Variants in CSMD3 observed in about 807,000 individuals in gnomAD.
CSMD3 encodes CUB and Sushi multiple domains 3.
CSMD3 carries 177 observed loss-of-function variants against 435.2 expected under a neutral mutation model. The ratio of observed to expected loss-of-function variants is 0.41; its 90% CI spans 0.36 to 0.46. The LOEUF is 0.46. Among genes scored for constraint, CSMD3 ranks in the 20% least tolerant of loss-of-function variants. The pLI is 0.34. For missense variants in CSMD3, 4,265 were observed against 4,504.6 expected, an observed-to-expected ratio of 0.95 and a Z score of 1.52; for synonymous variants, 1,656 against 1,520.5, an observed-to-expected ratio of 1.09 and a Z score of -2.07.
In CSMD3 at chr8:112,468,363, C is replaced by T. The variant is rs1166352255; in HGVS notation, c.5395+4228G>A. 2.0e-5 allele frequency among the ~76,000 whole-genome samples: 3 copies of T among 148,810 alleles called. No individual in the cohort carries two copies. The East Asian group carries it at 6.1e-4, about 30-fold the overall frequency. On this transcript the variant is annotated intron_variant, in intron 32 of 70. Transcript: ENST00000297405. ...ATCTGCTGGAGTAAGAGAAAATAAA[C>T]AAAAACCAAACATTACCTGCTGATT...
At chr8:112,231,497 G>A (rs1419847120) in intron 69 of CSMD3, 48 bp downstream of exon 69, 2 of 1,123,688 alleles carry the variant, frequency 1.8e-6, no homozygotes, top group Non-Finnish European at 2.7e-6. Flanking sequence ...TTTTTATGAT[G>A]TCTGGGATAA....
chr8:112,553,511 A>G (rs562096591), intron 25 of CSMD3, among the ~76,000 whole-genome samples: 1 of 152,134 alleles, frequency 6.6e-6, no homozygotes, highest in South Asian at 2.1e-4. Flanking sequence ...TTTAAACCCT[A>G]GAAACAAGGA....
intron 3 of CSMD3, among the ~76,000 whole-genome samples, chr8:113,251,095 T>C (rs902564258): frequency 2.6e-5 from 4 of 152,148 alleles, no homozygotes; most frequent in Non-Finnish European, 4.4e-5. Context: ...ATCTACTATG[T>C]GCAAAATGTG....
rs142774483 is a variant in CSMD3, at chr8:112,912,599, T to C, written c.1633+9028A>G. The stretch of plus-strand genomic sequence containing the variant: ...AAATAGTTAAATAAAGACCTGAAAG[T>C]ATAAAACTATTTAAAAAACATAGAG... On this transcript the variant is annotated intron_variant, in intron 10 of 70. Coordinates refer to ENST00000297405, the MANE Select transcript of CSMD3 (RefSeq NM_198123.2). Among the ~76,000 whole-genome samples the C allele has an allele frequency of 1.4e-3, 215 of 151,990 alleles. 2 individuals are homozygous for C. Among genetic ancestry groups the C allele is most frequent in the African/African-American group, 5.0e-3 (206 of 41,516 alleles).
intron 27 of CSMD3, among the ~76,000 whole-genome samples, chr8:112,545,351 C>T (rs1393496528): frequency 6.6e-6 from 1 of 151,408 alleles, no homozygotes; most frequent in African/African-American, 2.4e-5. Context: ...GGCCTGGTGG[C>T]ACGCGCCTGT....
chr8:113,245,061 T>C (rs900647076), intron 3 of CSMD3, among the ~76,000 whole-genome samples: 2 of 152,144 alleles, frequency 1.3e-5, no homozygotes, highest in Non-Finnish European at 2.9e-5. Context: ...ACAGTTATCG[T>C]CTTAAAGCTT....
intron 1 of CSMD3, among the ~76,000 whole-genome samples, chr8:113,315,633 A>G (rs894592186): frequency 1.3e-5 from 2 of 148,430 alleles, no homozygotes; most frequent in African/African-American, 4.9e-5. Context: ...TCACAAATAT[A>G]TATCAAATGT....
chr8:112,252,700 T>C (rs201115410), intron 63 of CSMD3, among the ~76,000 whole-genome samples: 5 of 125,648 alleles, frequency 4.0e-5, no homozygotes, highest in Non-Finnish European at 8.7e-5. Context: ...TATATATATA[T>C]ATATATATAC....
At chr8:113,356,566 T>G (rs2094229892) in intron 1 of CSMD3, among the ~76,000 whole-genome samples, 1 of 152,128 alleles carries the variant, frequency 6.6e-6, no homozygotes, top group Admixed American at 6.5e-5. Context: ...AAAAATGTAT[T>G]GAATGAATAA....
At position 112,291,494 on chromosome 8, in the gene CSMD3, C is replaced by T. The variant is rs995707683; in HGVS notation, c.8974+16G>A. 2 of 1,557,118 alleles carry T rather than the reference C, an allele frequency of 1.3e-6. No homozygotes were observed. The highest frequency in any genetic ancestry group is 1.8e-6 in the Non-Finnish European group (2 of 1,129,628). On this transcript the variant is annotated intron_variant, in intron 56 of 70. Transcript: ENST00000297405. ...CATGACATGTTCTCAAGAAACAATTCACATTATCTACTTACTGATACATTC... is the reference window on the plus strand; with the variant it reads ...CATGACATGTTCTCAAGAAACAATTTACATTATCTACTTACTGATACATTC...
At chr8:112,260,679 G>T (rs1196903976) in intron 61 of CSMD3, among the ~76,000 whole-genome samples, 4 of 151,896 alleles carry the variant, frequency 2.6e-5, no homozygotes, top group Non-Finnish European at 5.9e-5. Flanking sequence ...GGAGTATCTA[G>T]TACTATTCAG....
At chr8:112,435,124 G>A (rs1012057555) in intron 32 of CSMD3, among the ~76,000 whole-genome samples, 2 of 152,016 alleles carry the variant, frequency 1.3e-5, no homozygotes, top group Non-Finnish European at 2.9e-5. Context: ...TTACCTTTGG[G>A]ACAATGTTTT....
chr8:112,699,754 T>C (rs1563869099), intron 13 of CSMD3, among the ~76,000 whole-genome samples: 2 of 152,202 alleles, frequency 1.3e-5, no homozygotes, highest in African/African-American at 4.8e-5. Flanking sequence ...GTGTGGCCTA[T>C]GCCTGGATAT....
rs138907084 is a variant in CSMD3 at position 112,895,290 on chromosome 8, C to T, written c.1633+26337G>A. Among the ~76,000 whole-genome samples the T allele has an allele frequency of 5.3e-5, 8 of 151,050 alleles. 1 individual carries two copies. In the East Asian group the frequency reaches 9.8e-4, roughly 19 times the overall value. On this transcript the variant is annotated intron_variant, in intron 10 of 70. Transcript: ENST00000297405. Reference sequence around the variant, plus strand: ...TGCAGAAATTTTTTAAAGGGCAAAACGAATAATTAGAATAGGTAGATATTT... The same window carrying T: ...TGCAGAAATTTTTTAAAGGGCAAAATGAATAATTAGAATAGGTAGATATTT...
intron 32 of CSMD3, among the ~76,000 whole-genome samples, chr8:112,431,096 T>C (rs1304610635): frequency 6.6e-6 from 1 of 152,080 alleles, no homozygotes; most frequent in East Asian, 1.9e-4. Flanking sequence ...ATATTTAGGT[T>C]AACTTCATTA....
intron 69 of CSMD3, among the ~76,000 whole-genome samples, chr8:112,229,895 A>G (rs1812933305): frequency 6.6e-6 from 1 of 152,094 alleles, no homozygotes; most frequent in South Asian, 2.1e-4. Flanking sequence ...AGATTAAAAA[A>G]AAAAAAAAAG....
chr8:112,592,426 A>G (rs1831272379), intron 22 of CSMD3, among the ~76,000 whole-genome samples: 1 of 152,048 alleles, frequency 6.6e-6, no homozygotes, highest in Non-Finnish European at 1.5e-5. Context: ...AGTGCTACTG[A>G]AAGTTATTTT....
intron 13 of CSMD3, among the ~76,000 whole-genome samples, chr8:112,756,225 T>C (rs1285596326): frequency 1.3e-5 from 2 of 152,186 alleles, no homozygotes; most frequent in East Asian, 1.9e-4. Flanking sequence ...TTGTTCCAAG[T>C]ATATATTTAA....
chr8:112,870,382 C>T (rs1034528565), intron 10 of CSMD3, among the ~76,000 whole-genome samples: 7 of 151,630 alleles, frequency 4.6e-5, no homozygotes, highest in East Asian at 1.9e-4. Context: ...CATTTTCCTG[C>T]CTCAGCCTCC....
Sources: allele counts gnomAD v4.1 joint callset (sites outside exome capture counted in the v4.1 genomes callset), GRCh38; gene constraint gnomAD v4.1.1; transcripts MANE v1.5; gene names NCBI Gene and HGNC (gene_info 2026-07-23, HGNC 2026-07-21).